Variants in RAB26 observed in about 807,000 individuals in gnomAD.
RAB26 encodes the protein RAB26, member RAS oncogene family, also known as ras-related protein Rab-26.
Under a neutral mutation model 33.1 loss-of-function variants are expected in RAB26, and 39 were observed. That is an observed-to-expected ratio of 1.18 (90% CI 0.91 to 1.54). The LOEUF is 1.54. Ranked by LOEUF, RAB26 falls within the 40% of genes most tolerant of loss-of-function variation. The pLI is 0.00. For missense variants in RAB26, 468 were observed against 362.9 expected (o/e 1.29, Z -2.35); for synonymous variants, 192 against 151.9 (o/e 1.26, Z -1.94).
At position 2,148,952 on chromosome 16, in the gene RAB26, G is replaced by T; in HGVS notation, c.169G>T (p.Val57Phe). The T allele has an allele frequency of 7.8e-7, 1 of 1,286,078 alleles. No homozygotes were observed. The highest frequency in any genetic ancestry group is 2.7e-5 in the South Asian group (1 of 37,680). The allele number at this position is 1,286,078 out of a possible 1,614,324, so 79.7% of individuals were successfully genotyped here. Residue 57 changes from valine (V) to phenylalanine (F), a missense_variant, in exon 1 of 9, where the codon GTC (valine) becomes TTC (phenylalanine). Coordinates refer to ENST00000210187, the MANE Select transcript of RAB26 (RefSeq NM_014353.5). ...QPGRPSLGGG[V>F]DFYDVAFKVM... ...CGGCCGGCCCTCGCTTGGCGGCGGT[G>T]TCGACTTCTACGACGTCGCCTTCAA... is the stretch of plus-strand genomic sequence containing the variant.
chr16:2,151,397 G>C, intron 2 of RAB26, 172 bp from the exon 3 acceptor site: 1 of 779,216 alleles, frequency 1.3e-6, no homozygotes, highest in Non-Finnish European at 2.2e-6. Context: ...GCTGCCGGGA[G>C]AGGCCTGCAC....
rs941385907 is a variant in RAB26 at position 2,153,607 on chromosome 16, G to C, written c.*186G>C. On this transcript the variant is annotated 3_prime_UTR_variant, in exon 9 of 9. Coordinates refer to ENST00000210187, the MANE Select transcript of RAB26 (RefSeq NM_014353.5). ...AGTCCCAACAAGCAGGCTTCTGAGAGCCCGTGGCCGCACACTGGCCGCCAC... is the reference window on the plus strand; with the variant it reads ...AGTCCCAACAAGCAGGCTTCTGAGACCCCGTGGCCGCACACTGGCCGCCAC... The C allele has an allele frequency of 3.0e-6, 2 of 668,254 alleles. No homozygotes were observed. Among genetic ancestry groups the C allele is most frequent in the African/African-American group, 3.6e-5 (2 of 56,156 alleles). The allele number at this position is 668,254 out of a possible 1,614,324, so 41.4% of individuals were successfully genotyped here. A position where few individuals can be genotyped will look rare whatever the true frequency, so the allele number is the denominator to read the frequency against.
Position 2,153,556 on chromosome 16 carries a change from C to A in RAB26, c.*135C>A. ...CTGTTTTCAGGAGCCCCAGGTCAAG[C>A]CTTGTCCCTTCCTCCTCCCAGCAAC... is the stretch of plus-strand genomic sequence containing the variant. On this transcript the variant is annotated 3_prime_UTR_variant, in exon 9 of 9. Transcript: ENST00000210187. 1.3e-6 allele frequency: 1 copy of A among 787,984 alleles called. No individual in the cohort carries two copies. Among genetic ancestry groups the A allele is most frequent in the Non-Finnish European group, 2.1e-6 (1 of 485,852 alleles). 48.8% of individuals were successfully genotyped at this position (787,984 alleles called of 1,614,324 possible).
In RAB26 at chr16:2,149,989, C is replaced by A. The variant is rs1293774921; in HGVS notation, c.244C>A (p.Arg82=). Reference sequence around the variant, plus strand: ...TGTGGGGAAGACCTGTCTGCTGGTGCGATTCAAGGATGGTGCTTTCCTGGC... The same window carrying A: ...TGTGGGGAAGACCTGTCTGCTGGTGAGATTCAAGGATGGTGCTTTCCTGGC... ...SGVGKTCLLV[R]FKDGAFLAGT... Residue 82 remains arginine, a synonymous_variant, in exon 2 of 9, where the codon CGA becomes AGA. Transcript: ENST00000210187. The A allele has an allele frequency of 5.2e-6, 8 of 1,543,676 alleles. No individual in the cohort carries two copies. The highest frequency in any genetic ancestry group is 7.0e-6 in the Non-Finnish European group (8 of 1,143,338).
chr16:2,151,485 C>A, intron 2 of RAB26, 84 bp from the exon 3 acceptor site: 10 of 1,597,324 alleles, frequency 6.3e-6, no homozygotes, highest in Non-Finnish European at 8.6e-6. Flanking sequence ...TGGGAGGTCT[C>A]AGGGGACAGG....
intron 5 of RAB26, 145 bp from the exon 6 acceptor site, chr16:2,152,675 A>G (rs1330319171): frequency 6.4e-6 from 4 of 626,022 alleles, no homozygotes; most frequent in Non-Finnish European, 9.8e-6. Flanking sequence ...CCTGGGAAAC[A>G]GGGCGAGACT....
intron 2 of RAB26, 96 bp from the exon 3 acceptor site, chr16:2,151,473 G>A (rs1039057276): frequency 3.3e-5 from 51 of 1,554,742 alleles, no homozygotes; most frequent in Non-Finnish European, 4.3e-5. Context: ...GGACCTGGGA[G>A]CTGGGAGGTC....
rs777261911 is a variant in RAB26, at chr16:2,150,016, G to A, written c.271G>A (p.Gly91Arg). 10 of 1,545,050 alleles carry A rather than the reference G, an allele frequency of 6.5e-6. No individual in the cohort carries two copies. In the South Asian group the frequency reaches 1.1e-4, roughly 17 times the overall value. ...ATTCAAGGATGGTGCTTTCCTGGCG[G>A]GGACCTTCATCTCCACCGTAGGCAT... is the stretch of plus-strand genomic sequence containing the variant. ...VRFKDGAFLA[G>R]TFISTVGIDF... The change falls in exon 2 of 9, where the codon GGG (glycine) becomes AGG (arginine). Residue 91 changes from glycine to arginine, a missense_variant. By Grantham distance (125) the Gly-to-Arg change is moderately radical. Transcript: ENST00000210187.
chr16:2,153,381 T>C lies in RAB26; in HGVS notation c.731T>C (p.Val244Ala), dbSNP rs1396313483. The stretch of plus-strand genomic sequence containing the variant: ...CCGCGCTTCCGGCTGCATGATTACG[T>C]TAAGAGGGAGGGTCGAGGGGCCTCC... Reference protein sequence around the residue: ...SEPRFRLHDYVKREGRGASCC... With the variant: ...SEPRFRLHDYAKREGRGASCC... Residue 244 changes from valine (V) to alanine (A), a missense_variant, in exon 9 of 9, where the codon GTT (valine) becomes GCT (alanine). Transcript: ENST00000210187. 6.2e-7 allele frequency: 1 copy of C among 1,613,438 alleles called. No homozygotes were observed. Among genetic ancestry groups the C allele is most frequent in the Admixed American group, 1.7e-5 (1 of 60,026 alleles).
In RAB26 at chr16:2,149,965, G is replaced by A. The variant is rs2092999336; in HGVS notation, c.220G>A (p.Val74Met). ...FKVMLVGDSG[V>M]GKTCLLVRFK... is the part of the protein sequence containing the mutation. ...GGTCATGCTGGTGGGGGACTCGGGT[G>A]TGGGGAAGACCTGTCTGCTGGTGCG... Residue 74 changes from valine to methionine, a missense_variant, in exon 2 of 9, where the codon GTG becomes ATG. Physicochemically the swap from Val to Met is conservative, Grantham distance 21. Transcript: ENST00000210187. 2.6e-6 allele frequency: 4 copies of A among 1,539,598 alleles called. No individual in the cohort carries two copies. The highest frequency in any genetic ancestry group is 1.4e-5 in the African/African-American group (1 of 72,306).
chr16:2,151,184 C>T, intron 2 of RAB26: 1 of 474,192 alleles, frequency 2.1e-6, no homozygotes, highest in Non-Finnish European at 4.2e-6. Flanking sequence ...TGGTGGACTG[C>T]AACCTCCAAC....
At position 2,148,902 on chromosome 16, in the gene RAB26, C is replaced by T. The variant is rs775276046; in HGVS notation, c.119C>T (p.Ala40Val). 19 of 1,339,390 alleles carry T rather than the reference C, an allele frequency of 1.4e-5. No individual in the cohort carries two copies. The highest frequency in any genetic ancestry group is 4.6e-5 in the African/African-American group (3 of 65,638). 83.0% of individuals were successfully genotyped at this position (1,339,390 alleles called of 1,614,324 possible). Residue 40 changes from alanine to valine, a missense_variant, in exon 1 of 9, where the codon GCG becomes GTG. Coordinates refer to ENST00000210187, the MANE Select transcript of RAB26 (RefSeq NM_014353.5). Reference sequence around the variant, plus strand: ...GGGACTGCGCTTTCCGGCCCCGACGCGCCGCCCAACGGGCCCTTGCAGCCC... The same window carrying T: ...GGGACTGCGCTTTCCGGCCCCGACGTGCCGCCCAACGGGCCCTTGCAGCCC... Reference protein sequence around the residue: ...RSGTALSGPDAPPNGPLQPGR... With the variant: ...RSGTALSGPDVPPNGPLQPGR...
At position 2,153,222 on chromosome 16, in the gene RAB26, A is replaced by T; in HGVS notation, c.668A>T (p.Lys223Met). The T allele has an allele frequency of 1.9e-6, 3 of 1,613,798 alleles. No homozygotes were observed. The highest frequency in any genetic ancestry group is 1.7e-6 in the Non-Finnish European group (2 of 1,180,002). Residue 223 changes from lysine (K) to methionine (M), a missense_variant and splice_region_variant, in exon 8 of 9, where the codon AAG (lysine) becomes ATG (methionine). By Grantham distance (95) the Lys-to-Met change is moderately conservative. Coordinates refer to ENST00000210187, the MANE Select transcript of RAB26 (RefSeq NM_014353.5). ...NVDLAFTAIA[K>M]ELKQRSMKAP... ...GACTTGGCCTTCACAGCCATAGCAA[A>T]GTAAGTCCTGCCAGTCACCAGGACT...
rs191461470 is a variant in RAB26 at position 2,152,680 on chromosome 16, G to A, written c.469-140G>A. 1.3e-4 allele frequency: 87 copies of A among 660,308 alleles called. 1 individual carries two copies. In the East Asian group the frequency reaches 2.0e-3, roughly 15 times the overall value. 40.9% of individuals were successfully genotyped at this position (660,308 alleles called of 1,614,324 possible). On this transcript the variant is annotated intron_variant, in intron 5 of 8. Coordinates refer to ENST00000210187, the MANE Select transcript of RAB26 (RefSeq NM_014353.5). ...TGCACTCCAGCCTGGGAAACAGGGC[G>A]AGACTCTTGTCTCAAAAAAAAAAAA...
chr16:2,151,841 G>T lies in RAB26; in HGVS notation c.416-15G>T. 6.2e-7 allele frequency: 1 copy of T among 1,614,090 alleles called. No individual in the cohort carries two copies. Among genetic ancestry groups the T allele is most frequent in the South Asian group, 1.1e-5 (1 of 91,088 alleles). ...GCAGGTGATGGTGGATGTCCTCACTGCCCTCTGTCCCCAGCTCTGCTGCTG... is the reference window on the plus strand; with the variant it reads ...GCAGGTGATGGTGGATGTCCTCACTTCCCTCTGTCCCCAGCTCTGCTGCTG... On this transcript the variant is annotated splice_polypyrimidine_tract_variant and intron_variant, in intron 4 of 8. Transcript: ENST00000210187.
chr16:2,152,896 C>A lies in RAB26; in HGVS notation c.534+11C>A. On this transcript the variant is annotated intron_variant, in intron 6 of 8. Coordinates refer to ENST00000210187, the MANE Select transcript of RAB26 (RefSeq NM_014353.5). ...CTGCTGGGGAACAAGGTGGGAGGCC[C>A]GGCTGTCCTCACCTGGGCCACAGGG... The A allele has an allele frequency of 1.9e-6, 3 of 1,601,564 alleles. No individual in the cohort carries two copies. The highest frequency in any genetic ancestry group is 1.1e-5 in the South Asian group (1 of 89,966).
intron 5 of RAB26, 76 bp from the exon 6 acceptor site, chr16:2,152,744 G>T: frequency 8.1e-6 from 8 of 982,222 alleles, no homozygotes; most frequent in South Asian, 2.9e-5. Flanking sequence ...TCTACAGTGT[G>T]ACCTGGAGGG....
intron 5 of RAB26, among the ~76,000 whole-genome samples, chr16:2,152,534 G>GGTGGTGC (rs537623274): frequency 1.8e-3 from 278 of 152,044 alleles, no homozygotes; most frequent in Non-Finnish European, 2.6e-3. Flanking sequence ...AGCTGGGCGT[G>GGTGGTGC]GTGGTGCGTA....
intron 5 of RAB26, among the ~76,000 whole-genome samples, chr16:2,152,157 A>C (rs892331545): frequency 1.3e-4 from 20 of 152,210 alleles, no homozygotes; most frequent in Non-Finnish European, 1.5e-5. Context: ...TATCACTTCT[A>C]AAGACAGGTA....
Sources: gnomAD v4.1 joint callset for allele counts (sites outside exome capture counted in the v4.1 genomes callset) on GRCh38, gnomAD v4.1.1 for gene constraint, MANE v1.5 for transcripts, NCBI Gene and HGNC (gene_info 2026-07-23, HGNC 2026-07-21) for gene names.